The following HMGN5 variants were observed in gnomAD, a reference collection of about 807,000 sequenced individuals.
HMGN5 encodes the protein high mobility group nucleosome-binding domain-containing protein 5.
Under a neutral mutation model 9.5 loss-of-function variants are expected in HMGN5, and 4 were observed. The ratio of observed to expected loss-of-function variants is 0.42; its 90% CI spans 0.21 to 0.96. The LOEUF is 0.96. HMGN5 is among the 40% of genes least tolerant of loss of function. The probability of loss-of-function intolerance (pLI) is 0.30; values close to 1 mark genes in which losing one functional copy is unlikely to be tolerated. For missense variants in HMGN5, 192 were observed against 187.5 expected, an observed-to-expected ratio of 1.02 and a Z score of -0.14; for synonymous variants, 55 against 57.1, an observed-to-expected ratio of 0.96 and a Z score of 0.16.
rs145752084 is a variant in HMGN5 at position 81,139,954 on chromosome X, G to A, written c.-123-18282C>T. Among the ~76,000 whole-genome samples the A allele has an allele frequency of 4.2e-3, 476 of 112,131 alleles. 2 individuals carry two copies. Among genetic ancestry groups the A allele is most frequent in the African/African-American group, 0.015 (450 of 30,863 alleles). On this transcript the variant is annotated intron_variant, in intron 1 of 6. Coordinates refer to ENST00000358130, the MANE Select transcript of HMGN5 (RefSeq NM_030763.3). ...CAACTCTTAGGCAAGTCCCAGGGCT[G>A]AATTGAGCCCAGAGACAGTGGACTG...
intron 1 of HMGN5, among the ~76,000 whole-genome samples, chrX:81,133,985 C>T (rs758319024): frequency 3.6e-5 from 4 of 110,932 alleles, no homozygotes; most frequent in Non-Finnish European, 5.7e-5. Flanking sequence ...ATTGAATTTC[C>T]ATTATGTTTT....
intron 1 of HMGN5, among the ~76,000 whole-genome samples, chrX:81,160,641 G>A (rs908993359): frequency 9.0e-6 from 1 of 111,518 alleles, no homozygotes; most frequent in Non-Finnish European, 1.9e-5. Context: ...CTGTTCCTGT[G>A]TTAGTTTGCT....
chrX:81,141,524 G>A (rs1408595867), intron 1 of HMGN5, among the ~76,000 whole-genome samples: 1 of 110,932 alleles, frequency 9.0e-6, no homozygotes, highest in Non-Finnish European at 1.9e-5. Context: ...TTTTGTTTAG[G>A]AGAAAGTAAG....
At chrX:81,198,263 C>G (rs2147656747) in intron 1 of HMGN5, among the ~76,000 whole-genome samples, 1 of 111,082 alleles carries the variant, frequency 9.0e-6, no homozygotes, top group African/African-American at 3.3e-5. Flanking sequence ...ACGTTGTCTT[C>G]AGTAATATAA....
intron 1 of HMGN5, among the ~76,000 whole-genome samples, chrX:81,193,075 G>C (rs1416301922): frequency 9.0e-6 from 1 of 111,440 alleles, no homozygotes; most frequent in Non-Finnish European, 1.9e-5. Context: ...TTTTGCTTTT[G>C]GAGCCTATCC....
chrX:81,180,406 T>C (rs1005998877), intron 1 of HMGN5, among the ~76,000 whole-genome samples: 1 of 111,913 alleles, frequency 8.9e-6, no homozygotes, highest in African/African-American at 3.3e-5. Flanking sequence ...AACAGGCACT[T>C]CTCAAAAGAA....
At chrX:81,148,432 A>G (rs2075351499) in intron 1 of HMGN5, among the ~76,000 whole-genome samples, 1 of 111,888 alleles carries the variant, frequency 8.9e-6, no homozygotes, top group Non-Finnish European at 1.9e-5. Context: ...AGCCATATGC[A>G]GAAAGCTGAA....
chrX:81,155,927 T>A (rs2075381849), intron 1 of HMGN5, among the ~76,000 whole-genome samples: 1 of 111,597 alleles, frequency 9.0e-6, no homozygotes, highest in African/African-American at 3.3e-5. Context: ...TAAAAATATG[T>A]AGAAATGTGA....
intron 1 of HMGN5, among the ~76,000 whole-genome samples, chrX:81,179,558 C>G (rs1015258587): frequency 1.8e-5 from 2 of 111,352 alleles, no homozygotes; most frequent in African/African-American, 3.3e-5. Context: ...AAAGAGGACA[C>G]AAACAAATGG....
rs368273845 is a variant in HMGN5 at position 81,159,107 on chromosome X, A to T, written c.-123-37435T>A. 6.1e-4 allele frequency among the ~76,000 whole-genome samples: 68 copies of T among 111,802 alleles called. No homozygotes were observed. In the South Asian group the frequency reaches 0.026, roughly 42 times the overall value. On this transcript the variant is annotated intron_variant, in intron 1 of 6. Coordinates refer to ENST00000358130, the MANE Select transcript of HMGN5 (RefSeq NM_030763.3). ...TGGGACATGGATAGAGCTGGAAGCC[A>T]TTATCCTCAGCAAACTAACGCAGCA...
chrX:81,114,948 C>G lies in HMGN5; in HGVS notation c.550G>C (p.Gly184Arg). 8.6e-7 allele frequency: 1 copy of G among 1,156,332 alleles called. No individual in the cohort carries two copies. Among genetic ancestry groups the G allele is most frequent in the Non-Finnish European group, 1.1e-6 (1 of 869,616 alleles). ...EDGKKGEDGK[G>R]NGEDGKEKGE... is the part of the protein sequence containing the mutation. ...TTCTCTTTTCCATCTTCTCCATTTC[C>G]TTTTCCGTCTTCACCTTTTTTTCCA... The change falls in exon 7 of 7, where the codon GGA becomes CGA. Residue 184 changes from glycine to arginine, a missense_variant. Coordinates refer to ENST00000358130, the MANE Select transcript of HMGN5 (RefSeq NM_030763.3).
chrX:81,174,012 G>C (rs1431220101), intron 1 of HMGN5, among the ~76,000 whole-genome samples: 1 of 111,391 alleles, frequency 9.0e-6, no homozygotes, highest in Admixed American at 9.5e-5. Flanking sequence ...CTTCCATAAA[G>C]TTAGAAATTT....
chrX:81,135,386 T>G (rs1224262721), intron 1 of HMGN5, among the ~76,000 whole-genome samples: 1 of 111,566 alleles, frequency 9.0e-6, no homozygotes, highest in Non-Finnish European at 1.9e-5. Context: ...ACATAAAAAC[T>G]TATACACAGA....
rs2075265444 is a variant in HMGN5, at chrX:81,120,388, TG to T, written c.16-572del. 2.7e-5 allele frequency among the ~76,000 whole-genome samples: 3 copies of T among 111,516 alleles called. No homozygotes were observed. In the South Asian group the frequency reaches 1.1e-3, roughly 42 times the overall value. On this transcript the variant is annotated intron_variant, in intron 2 of 6. Coordinates refer to ENST00000358130, the MANE Select transcript of HMGN5 (RefSeq NM_030763.3). ...TTCCCGCCACTACCTGCTTTAAGGTTGCTGTCAGCTCTGGAAAACAGCAAGA... is the reference window on the plus strand; with the variant it reads ...TTCCCGCCACTACCTGCTTTAAGGTTCTGTCAGCTCTGGAAAACAGCAAGA...
intron 1 of HMGN5, among the ~76,000 whole-genome samples, chrX:81,122,852 A>G (rs2075273177): frequency 9.1e-6 from 1 of 110,453 alleles, no homozygotes; most frequent in Non-Finnish European, 1.9e-5. Context: ...TTGATGAATA[A>G]ATTACTTGGG....
intron 1 of HMGN5, among the ~76,000 whole-genome samples, chrX:81,200,696 G>A (rs1023159233): frequency 1.8e-5 from 2 of 111,077 alleles, no homozygotes; most frequent in Non-Finnish European, 3.8e-5. Flanking sequence ...ATCACACCCC[G>A]GGGCCAGTCG....
rs184123117 is a variant in HMGN5 at position 81,130,378 on chromosome X, A to C, written c.-123-8706T>G. Among the ~76,000 whole-genome samples, 391 of 111,798 alleles carry C rather than the reference A, an allele frequency of 3.5e-3. 1 individual carries two copies. Among genetic ancestry groups the C allele is most frequent in the African/African-American group, 0.012 (367 of 30,919 alleles). The stretch of plus-strand genomic sequence containing the variant: ...TACTTTGTTAGGCTTCATATGAATT[A>C]TCTCTGGTCCTCAGTATACAGATGA... On this transcript the variant is annotated intron_variant, in intron 1 of 6. Coordinates refer to ENST00000358130, the MANE Select transcript of HMGN5 (RefSeq NM_030763.3).
intron 1 of HMGN5, among the ~76,000 whole-genome samples, chrX:81,125,577 A>G (rs2075281034): frequency 8.9e-6 from 1 of 112,073 alleles, no homozygotes; most frequent in Non-Finnish European, 1.9e-5. Context: ...ATTAAAGAGT[A>G]GCCACTGATA....
chrX:81,180,538 A>C (rs1283303190), intron 1 of HMGN5, among the ~76,000 whole-genome samples: 1 of 112,128 alleles, frequency 8.9e-6, no homozygotes, highest in Non-Finnish European at 1.9e-5. Flanking sequence ...ATCATTAAAA[A>C]GTCAGGAAAC....
Sources: gnomAD v4.1 joint callset for allele counts (sites outside exome capture counted in the v4.1 genomes callset) on GRCh38, gnomAD v4.1.1 for gene constraint, MANE v1.5 for transcripts, NCBI Gene and HGNC (gene_info 2026-07-23, HGNC 2026-07-21) for gene names.